Variants in CAPSL observed in about 807,000 individuals in gnomAD.
CAPSL encodes calcyphosin-like protein.
Under a neutral mutation model 21.3 loss-of-function variants are expected in CAPSL, and 17 were observed. That is an observed-to-expected ratio of 0.80 (90% CI 0.55 to 1.20). The LOEUF (loss-of-function observed/expected upper bound fraction) is 1.20, where lower values mean the gene tolerates loss of function less well. CAPSL is among the 50% of genes most tolerant of loss of function. The pLI, the probability that CAPSL is intolerant of heterozygous loss-of-function variation, is 0.00. For synonymous variants in CAPSL, 102 were observed against 89.3 expected (o/e 1.14, Z -0.80); for missense variants, 289 against 259.3 (o/e 1.11, Z -0.79).
Position 35,938,039 on chromosome 5 carries a change from C to A in CAPSL, c.-1+502G>T, listed in dbSNP as rs76539201. 6.1e-3 allele frequency among the ~76,000 whole-genome samples: 930 copies of A among 152,192 alleles called. 8 individuals are homozygous for A. Among genetic ancestry groups the A allele is most frequent in the Non-Finnish European group, 0.011 (737 of 68,000 alleles). On this transcript the variant is annotated intron_variant, in intron 1 of 4. Transcript: ENST00000651391. ...CATGTATGTACACTTTAATAAGCAT[C>A]CTGATTTTTATTCTGATTCTCAGTT...
chr5:35,907,859 T>A (rs1760713924), intron 4 of CAPSL, among the ~76,000 whole-genome samples: 2 of 152,212 alleles, frequency 1.3e-5, no homozygotes, highest in Non-Finnish European at 2.9e-5. Context: ...AGAGGTAAAT[T>A]TTAGAAGCTA....
intron 1 of CAPSL, among the ~76,000 whole-genome samples, chr5:35,932,893 C>T (rs1299994401): frequency 6.6e-6 from 1 of 152,188 alleles, no homozygotes; most frequent in Non-Finnish European, 1.5e-5. Flanking sequence ...GAAGGATGCC[C>T]TCAGTGCAGG....
intron 4 of CAPSL, among the ~76,000 whole-genome samples, chr5:35,907,826 T>A (rs2149915830): frequency 6.6e-6 from 1 of 152,364 alleles, no homozygotes; most frequent in Middle Eastern, 3.4e-3. Context: ...GCAATCTTAA[T>A]ATGCAAAATA....
intron 4 of CAPSL, 123 bp downstream of exon 4, chr5:35,909,743 A>C (rs954507855): frequency 1.2e-6 from 1 of 826,832 alleles, no homozygotes; most frequent in Non-Finnish European, 1.9e-6. Context: ...CTAGGGAAAT[A>C]GTTTACTTCT....
Position 35,921,259 on chromosome 5 carries a change from C to G in CAPSL, c.1-139G>C. 4.0e-6 allele frequency: 4 copies of G among 992,948 alleles called. No individual in the cohort carries two copies. In the South Asian group the frequency reaches 5.1e-5, roughly 13 times the overall value. 61.5% of individuals were successfully genotyped at this position (992,948 alleles called of 1,614,324 possible). A position where few individuals can be genotyped will look rare whatever the true frequency, so the allele number is the denominator to read the frequency against. ...ACCTCTCAGAATTTCCAATTTTTCT[C>G]TATGCCAACTGTGTGCCTGGCATAT... On this transcript the variant is annotated intron_variant, in intron 1 of 4. Transcript: ENST00000651391.
At chr5:35,930,526 A>C (rs113636878) in intron 1 of CAPSL, among the ~76,000 whole-genome samples, 1,600 of 152,322 alleles carry the variant, frequency 0.011, 38 homozygotes, top group African/African-American at 0.036. Flanking sequence ...AGAATCGTGC[A>C]AATGTCAACC....
intron 4 of CAPSL, among the ~76,000 whole-genome samples, chr5:35,905,721 T>G (rs377023314): frequency 1.4e-4 from 21 of 152,366 alleles, no homozygotes; most frequent in African/African-American, 4.8e-4. Flanking sequence ...AGGGATTACA[T>G]TAAGTTTCAC....
rs1041461860 is a variant in CAPSL at position 35,921,018 on chromosome 5, C to A, written c.103G>T (p.Ala35Ser). 3.7e-6 allele frequency: 6 copies of A among 1,613,988 alleles called. No individual in the cohort carries two copies. The highest frequency in any genetic ancestry group is 4.2e-6 in the Non-Finnish European group (5 of 1,180,016). ...PIERLRLQCL[A>S]RGSAGIKGLG... ...CCTTTGATCCCAGCAGAGCCCCTGGCCAGGCACTGCAGTCGGAGTCTTTCA... is the reference window on the plus strand; with the variant it reads ...CCTTTGATCCCAGCAGAGCCCCTGGACAGGCACTGCAGTCGGAGTCTTTCA... The change falls in exon 2 of 5, where the codon GCC becomes TCC. Residue 35 changes from alanine to serine, a missense_variant. Transcript: ENST00000651391.
chr5:35,910,124 T>C (rs1738176314), intron 3 of CAPSL, 49 bp from the exon 4 acceptor site: 1 of 1,451,614 alleles, frequency 6.9e-7, no homozygotes, highest in Admixed American at 2.2e-5. Flanking sequence ...GCAAATGAGC[T>C]TTTTTGGTAT....
At chr5:35,910,983 C>G (rs1429703216) in intron 2 of CAPSL, among the ~76,000 whole-genome samples, 2 of 152,186 alleles carry the variant, frequency 1.3e-5, no homozygotes, top group Non-Finnish European at 2.9e-5. Flanking sequence ...CAGAAAATCA[C>G]AGTGATGTGG....
intron 4 of CAPSL, among the ~76,000 whole-genome samples, chr5:35,906,136 C>T (rs1760672219): frequency 6.6e-6 from 1 of 152,136 alleles, no homozygotes; most frequent in South Asian, 2.1e-4. Flanking sequence ...TTTACCATGA[C>T]AGTTTGAGGA....
chr5:35,921,235 C>T (rs1738531502), intron 1 of CAPSL, 115 bp from the exon 2 acceptor site: 3 of 1,323,024 alleles, frequency 2.3e-6, no homozygotes, highest in Non-Finnish European at 3.0e-6. Context: ...TGTCAGGAAA[C>T]CTCTCAGAAT....
intron 1 of CAPSL, among the ~76,000 whole-genome samples, chr5:35,931,835 C>A (rs1017975904): frequency 6.6e-6 from 1 of 152,172 alleles, no homozygotes; most frequent in Non-Finnish European, 1.5e-5. Flanking sequence ...AGGTAGCTTT[C>A]AAATATTCCA....
chr5:35,934,602 C>T (rs371528681), intron 1 of CAPSL, among the ~76,000 whole-genome samples: 21 of 152,298 alleles, frequency 1.4e-4, no homozygotes, highest in African/African-American at 4.8e-4. Flanking sequence ...CCCCAGCTTC[C>T]TTTCTGCCAA....
Position 35,904,373 on chromosome 5 carries a change from A to C in CAPSL, c.*172T>G. The stretch of plus-strand genomic sequence containing the variant: ...AGGCAAGGCAAACTCACAGTTGGCT[A>C]CTCAATGTCTTTTATTTCTGCCTGT... On this transcript the variant is annotated 3_prime_UTR_variant, in exon 5 of 5. Transcript: ENST00000651391. 1.6e-6 allele frequency: 1 copy of C among 611,850 alleles called. No individual in the cohort carries two copies. The highest frequency in any genetic ancestry group is 2.9e-6 in the Non-Finnish European group (1 of 343,146). 37.9% of individuals were successfully genotyped at this position (611,850 alleles called of 1,614,324 possible). A position where few individuals can be genotyped will look rare whatever the true frequency, so the allele number is the denominator to read the frequency against.
At chr5:35,906,261 G>C (rs1170421258) in intron 4 of CAPSL, among the ~76,000 whole-genome samples, 1 of 152,114 alleles carries the variant, frequency 6.6e-6, no homozygotes, top group Admixed American at 6.5e-5. Context: ...CATTGAATGA[G>C]ACTCCCTCCA....
chr5:35,916,746 TA>T (rs1170140352), intron 2 of CAPSL, among the ~76,000 whole-genome samples: 3 of 152,144 alleles, frequency 2.0e-5, no homozygotes, highest in African/African-American at 7.2e-5. Flanking sequence ...ATGTTAGACC[TA>T]AAACCATAAA....
intron 1 of CAPSL, among the ~76,000 whole-genome samples, chr5:35,931,428 C>T (rs1738820361): frequency 1.2e-5 from 1 of 86,874 alleles, no homozygotes; most frequent in Non-Finnish European, 2.4e-5. Context: ...GTAACTGACA[C>T]AATGTGTTAC....
At chr5:35,908,221 A>G (rs1454081447) in intron 4 of CAPSL, among the ~76,000 whole-genome samples, 1 of 152,234 alleles carries the variant, frequency 6.6e-6, no homozygotes, top group Non-Finnish European at 1.5e-5. Context: ...CTTGGACTCC[A>G]TCCTCCAAAA....
Sources: gnomAD v4.1 joint callset for allele counts (sites outside exome capture counted in the v4.1 genomes callset) on GRCh38, gnomAD v4.1.1 for gene constraint, MANE v1.5 for transcripts, NCBI Gene and HGNC (gene_info 2026-07-23, HGNC 2026-07-21) for gene names.